ABHD12: variants seen among roughly 807,000 people sequenced by gnomAD.
The protein encoded by ABHD12 is lysophosphatidylserine lipase ABHD12.
ABHD12 carries 43 observed loss-of-function variants against 58.3 expected under a neutral mutation model. That is an observed-to-expected ratio of 0.74 (90% CI 0.58 to 0.95). The LOEUF is 0.95. ABHD12 is among the 40% of genes least tolerant of loss of function. The pLI, the probability that ABHD12 is intolerant of heterozygous loss-of-function variation, is 0.00. For missense variants in ABHD12, 539 were observed against 537.2 expected, an observed-to-expected ratio of 1.00 and a Z score of -0.03; for synonymous variants, 219 against 211.2, an observed-to-expected ratio of 1.04 and a Z score of -0.32.
chr20:25,305,721 A>G (rs909570544), intron 10 of ABHD12, among the ~76,000 whole-genome samples: 3 of 152,334 alleles, frequency 2.0e-5, no homozygotes, highest in Non-Finnish European at 4.4e-5. Flanking sequence ...CAAAGACAAT[A>G]TCAATACAAT....
At chr20:25,311,403 A>G (rs2088847035) in intron 6 of ABHD12, among the ~76,000 whole-genome samples, 1 of 152,238 alleles carries the variant, frequency 6.6e-6, no homozygotes, top group South Asian at 2.1e-4. Context: ...ATTCTCCCTG[A>G]GAGCCCTGCT....
At chr20:25,315,668 A>G (rs1354837006) in intron 5 of ABHD12, among the ~76,000 whole-genome samples, 1 of 152,170 alleles carries the variant, frequency 6.6e-6, no homozygotes, top group African/African-American at 2.4e-5. Flanking sequence ...AACCAGAGCC[A>G]ACCTGCTCCA....
intron 1 of ABHD12, among the ~76,000 whole-genome samples, chr20:25,340,361 A>C (rs1203283395): frequency 6.6e-6 from 1 of 152,266 alleles, no homozygotes; most frequent in Non-Finnish European, 1.5e-5. Context: ...AATTTCTTTA[A>C]GCCAGAGAGT....
intron 1 of ABHD12, among the ~76,000 whole-genome samples, chr20:25,370,111 C>A (rs1429949896): frequency 6.6e-6 from 1 of 152,046 alleles, no homozygotes. Context: ...TACAGTGGAC[C>A]CAAACACACT....
At chr20:25,360,286 C>T (rs1302806212) in intron 1 of ABHD12, among the ~76,000 whole-genome samples, 4 of 128,562 alleles carry the variant, frequency 3.1e-5, no homozygotes, top group Non-Finnish European at 6.4e-5. Context: ...TGTCACCCAG[C>T]CTGGAGTGCA....
intron 1 of ABHD12, among the ~76,000 whole-genome samples, chr20:25,359,540 T>C (rs766573397): frequency 3.3e-5 from 5 of 152,136 alleles, no homozygotes; most frequent in Middle Eastern, 6.3e-3. Context: ...TCTCATATTA[T>C]CTTCTCATTA....
Position 25,320,193 on chromosome 20 carries a change from C to T in ABHD12, c.542+6G>A, listed in dbSNP as rs752298031. On this transcript the variant is annotated splice_donor_region_variant and intron_variant, in intron 4 of 12. Transcript: ENST00000339157. ...ACAGCAAAGATGATGGGCTCCTCTC[C>T]CTCACCTGGTACCTGCGTTCCCATG... is the stretch of plus-strand genomic sequence containing the variant. The T allele has an allele frequency of 6.2e-7, 1 of 1,613,850 alleles. No homozygotes were observed.
chr20:25,324,775 C>A (rs2089144336), intron 2 of ABHD12, among the ~76,000 whole-genome samples: 1 of 152,244 alleles, frequency 6.6e-6, no homozygotes, highest in Non-Finnish European at 1.5e-5. Flanking sequence ...ACCACCAGGG[C>A]TGCTGTTCAT....
At position 25,331,456 on chromosome 20, in the gene ABHD12, G is replaced by A. The variant is rs1386211833; in HGVS notation, c.316+7771C>T. ...TTCAGATTCAGGAAATACAGAGAAC[G>A]CCACAAAGATACTCCTCGAGAAGAG... On this transcript the variant is annotated intron_variant, in intron 2 of 12. Transcript: ENST00000339157. 2.6e-3 allele frequency among the ~76,000 whole-genome samples: 401 copies of A among 151,822 alleles called. 2 individuals are homozygous for A. Among genetic ancestry groups the A allele is most frequent in the Middle Eastern group, 6.8e-3 (2 of 294 alleles).
At chr20:25,363,807 G>C (rs2089784823) in intron 1 of ABHD12, among the ~76,000 whole-genome samples, 1 of 152,128 alleles carries the variant, frequency 6.6e-6, no homozygotes. Flanking sequence ...GGAGGTTGCA[G>C]TGAGTTGAGA....
chr20:25,359,733 T>A (rs566357038), intron 1 of ABHD12, among the ~76,000 whole-genome samples: 1 of 151,876 alleles, frequency 6.6e-6, no homozygotes, highest in South Asian at 2.1e-4. Flanking sequence ...CCATGCCTGC[T>A]GAGTTTTTTT....
rs1027182723 is a variant in ABHD12 at position 25,364,796 on chromosome 20, A to G, written c.192-25445T>C. ...ATAAGAATATAAGAATACTGACAATATCAAAAGAGTAACTCTGGGCAAACA... is the reference window on the plus strand; with the variant it reads ...ATAAGAATATAAGAATACTGACAATGTCAAAAGAGTAACTCTGGGCAAACA... On this transcript the variant is annotated intron_variant, in intron 1 of 12. Coordinates refer to ENST00000339157, the MANE Select transcript of ABHD12 (RefSeq NM_001042472.3). Among the ~76,000 whole-genome samples, 17 of 152,340 alleles carry G rather than the reference A, an allele frequency of 1.1e-4. No homozygotes were observed. In the South Asian group the frequency reaches 1.7e-3, roughly 15 times the overall value.
At chr20:25,318,044 C>T (rs1343095672) in intron 4 of ABHD12, among the ~76,000 whole-genome samples, 3 of 152,164 alleles carry the variant, frequency 2.0e-5, no homozygotes, top group Non-Finnish European at 4.4e-5. Flanking sequence ...GGGTCAGGTG[C>T]GGTGGTTCAC....
At chr20:25,302,369 C>T in intron 11 of ABHD12, 23 bp from the exon 12 acceptor site, 1 of 1,612,206 alleles carries the variant, frequency 6.2e-7, no homozygotes, top group Non-Finnish European at 8.5e-7. Context: ...GGGTCAGAGC[C>T]TGAGGCAGTG....
At chr20:25,295,695 A>G (rs1255203196), downstream of ABHD12, 4 of 1,597,822 alleles carry the variant, frequency 2.5e-6, no homozygotes, top group Non-Finnish European at 3.4e-6. Context: ...TCCAGAGGCT[A>G]GGGGAGCAGC....
Position 25,302,312 on chromosome 20 carries a change from C to G in ABHD12, c.1064G>C (p.Arg355Pro), listed in dbSNP as rs376953929. The G allele has an allele frequency of 6.2e-7, 1 of 1,613,718 alleles. No individual in the cohort carries two copies. The highest frequency in any genetic ancestry group is 1.3e-5 in the African/African-American group (1 of 75,024). The change falls in exon 12 of 13, where the codon CGA becomes CCA. Residue 355 changes from arginine to proline, a missense_variant. Arg to Pro is a moderately radical substitution (Grantham distance 103). Coordinates refer to ENST00000339157, the MANE Select transcript of ABHD12 (RefSeq NM_001042472.3). ...GGGCACAAACTGAACTTTGAAATCT[C>G]GGAAGCTTCGAGCTGGTGCGGCGAT... ...YSIAAPARSF[R>P]DFKVQFVPFH...
chr20:25,296,339 C>T (rs369640350), downstream of ABHD12: 4 of 1,613,224 alleles, frequency 2.5e-6, no homozygotes, highest in African/African-American at 4.0e-5. Flanking sequence ...CCCTGTGACG[C>T]CAGAGACTAA....
At chr20:25,374,244 GCCA>G (rs1600871252) in intron 1 of ABHD12, among the ~76,000 whole-genome samples, 2 of 152,092 alleles carry the variant, frequency 1.3e-5, no homozygotes, top group South Asian at 4.1e-4. Context: ...ACAGGTGTGT[GCCA>G]CCACACCTGG....
At chr20:25,346,458 G>A (rs1441498334) in intron 1 of ABHD12, among the ~76,000 whole-genome samples, 2 of 152,118 alleles carry the variant, frequency 1.3e-5, no homozygotes, top group Non-Finnish European at 2.9e-5. Context: ...CCTACTTAAT[G>A]CAAACTATGG....
Sources: allele counts gnomAD v4.1 joint callset (sites outside exome capture counted in the v4.1 genomes callset), GRCh38; gene constraint gnomAD v4.1.1; transcripts MANE v1.5; gene names NCBI Gene and HGNC (gene_info 2026-07-23, HGNC 2026-07-21).